Variants in SWAP70 observed in about 807,000 individuals in gnomAD.
The protein encoded by SWAP70 is switching B cell complex subunit SWAP70.
Under a neutral mutation model 80.2 loss-of-function variants are expected in SWAP70, and 34 were observed. That is an observed-to-expected ratio of 0.42 (90% CI 0.32 to 0.56). The LOEUF (loss-of-function observed/expected upper bound fraction) is 0.56. Ranked by LOEUF, SWAP70 falls within the 20% of genes least tolerant of loss-of-function variation. SWAP70 has a pLI of 0.09. For missense variants in SWAP70, 578 were observed against 690.7 expected, an observed-to-expected ratio of 0.84 and a Z score of 1.83; for synonymous variants, 239 against 238.5, an observed-to-expected ratio of 1.00 and a Z score of -0.02.
At chr11:9,686,869 C>A (rs1335464338) in intron 1 of SWAP70, among the ~76,000 whole-genome samples, 2 of 152,100 alleles carry the variant, frequency 1.3e-5, no homozygotes, top group Non-Finnish European at 2.9e-5. Flanking sequence ...GCCCTGTCCC[C>A]CAAACAAATA....
intron 9 of SWAP70, among the ~76,000 whole-genome samples, chr11:9,746,166 C>T (rs1851510070): frequency 6.6e-6 from 1 of 152,204 alleles, no homozygotes; most frequent in Non-Finnish European, 1.5e-5. Flanking sequence ...TCTACATAGC[C>T]AAGCCCAGCT....
At position 9,677,133 on chromosome 11, in the gene SWAP70, A is replaced by G. The variant is rs76030960; in HGVS notation, c.99+12855A>G. Among the ~76,000 whole-genome samples, 1,014 of 152,176 alleles carry G rather than the reference A, an allele frequency of 6.7e-3. 14 individuals are homozygous for G. Among genetic ancestry groups the G allele is most frequent in the African/African-American group, 0.023 (954 of 41,514 alleles). ...ACCTTATTAATGTGGCACCTGAAACAGACATTGTTACTTTTAAATTATGGT... is the reference window on the plus strand; with the variant it reads ...ACCTTATTAATGTGGCACCTGAAACGGACATTGTTACTTTTAAATTATGGT... On this transcript the variant is annotated intron_variant, in intron 1 of 11. Transcript: ENST00000318950.
intron 3 of SWAP70, chr11:9,720,472 G>T (rs1449479120): frequency 7.1e-6 from 7 of 985,318 alleles, no homozygotes; most frequent in Non-Finnish European, 8.4e-6. Flanking sequence ...AATGACGTGG[G>T]TTCAGTAAGA....
intron 1 of SWAP70, among the ~76,000 whole-genome samples, chr11:9,675,939 A>G (rs1170556506): frequency 6.6e-6 from 1 of 152,200 alleles, no homozygotes; most frequent in African/African-American, 2.4e-5. Flanking sequence ...GTTAAATACA[A>G]CTGATTGTCA....
chr11:9,729,838 C>T (rs1415789607), intron 6 of SWAP70, among the ~76,000 whole-genome samples: 3 of 152,118 alleles, frequency 2.0e-5, no homozygotes, highest in Admixed American at 6.5e-5. Context: ...GATGCTAAGG[C>T]GTTACTTCCT....
chr11:9,705,252 C>CTGTATACACTGGTGATA (rs1221746868), intron 2 of SWAP70, among the ~76,000 whole-genome samples: 1 of 140,760 alleles, frequency 7.1e-6, no homozygotes, highest in African/African-American at 2.9e-5. Flanking sequence ...ACTTGGTGAT[C>CTGTATACACTGGTGATA]TGTATACACT....
intron 3 of SWAP70, among the ~76,000 whole-genome samples, chr11:9,720,919 G>A (rs1019952006): frequency 1.3e-4 from 19 of 151,948 alleles, no homozygotes; most frequent in South Asian, 6.2e-4. Context: ...GGCTTCAAAC[G>A]GTTCTCCTAC....
chr11:9,719,516 A>G (rs1028270478), intron 3 of SWAP70, among the ~76,000 whole-genome samples: 7 of 152,140 alleles, frequency 4.6e-5, no homozygotes, highest in Non-Finnish European at 8.8e-5. Context: ...CCACTGGGCA[A>G]CAAAGCGAGA....
At chr11:9,703,296 G>A (rs765531519) in intron 2 of SWAP70, 15 of 452,218 alleles carry the variant, frequency 3.3e-5, no homozygotes, top group East Asian at 7.0e-5. Flanking sequence ...ATTCCGTTAC[G>A]GATATACCAT....
At chr11:9,707,133 T>G (rs1422648474) in intron 2 of SWAP70, among the ~76,000 whole-genome samples, 1 of 152,206 alleles carries the variant, frequency 6.6e-6, no homozygotes, top group Non-Finnish European at 1.5e-5. Flanking sequence ...CTATTTTCTA[T>G]GAAAACTATA....
intron 7 of SWAP70, among the ~76,000 whole-genome samples, chr11:9,734,071 T>C (rs1385926922): frequency 6.6e-6 from 1 of 152,232 alleles, no homozygotes; most frequent in Non-Finnish European, 1.5e-5. Context: ...TGAGATCCTC[T>C]TGCCTTAGCC....
chr11:9,680,890 A>G (rs902837886), intron 1 of SWAP70: 7 of 152,224 alleles, frequency 4.6e-5, no homozygotes, highest in African/African-American at 1.7e-4. Flanking sequence ...TTCATGAAGG[A>G]GATAGTACTT....
chr11:9,722,929 A>T (rs1356123787), intron 3 of SWAP70, among the ~76,000 whole-genome samples: 1 of 152,254 alleles, frequency 6.6e-6, no homozygotes, highest in African/African-American at 2.4e-5. Context: ...TTTACTGTTC[A>T]ACCCTTTACA....
intron 1 of SWAP70, among the ~76,000 whole-genome samples, chr11:9,665,306 T>A (rs1467059587): frequency 6.6e-6 from 1 of 152,224 alleles, no homozygotes; most frequent in African/African-American, 2.4e-5. Flanking sequence ...ATTCTCCTTG[T>A]CTTCCTTTTG....
At position 9,739,660 on chromosome 11, in the gene SWAP70, G is replaced by C. The variant is rs575681405; in HGVS notation, c.1189-521G>C. Among the ~76,000 whole-genome samples, 5 of 152,330 alleles carry C rather than the reference G, an allele frequency of 3.3e-5. No individual in the cohort carries two copies. In the East Asian group the frequency reaches 9.6e-4, roughly 29 times the overall value. On this transcript the variant is annotated intron_variant, in intron 8 of 11. Coordinates refer to ENST00000318950, the MANE Select transcript of SWAP70 (RefSeq NM_015055.4). ...CGTATACAGATTAACTGAAATGCTT[G>C]AGTTCCTCTAGGGCTGGAGGTGCCC...
chr11:9,683,556 C>A (rs1343491413), intron 1 of SWAP70, among the ~76,000 whole-genome samples: 1 of 152,188 alleles, frequency 6.6e-6, no homozygotes, highest in East Asian at 1.9e-4. Flanking sequence ...TCTGTCCCAG[C>A]ATGGGTTCTC....
intron 11 of SWAP70, among the ~76,000 whole-genome samples, 153 bp from the exon 12 acceptor site, chr11:9,749,711 T>A (rs944917737): frequency 6.6e-6 from 1 of 152,266 alleles, no homozygotes; most frequent in Non-Finnish European, 1.5e-5. Flanking sequence ...CCCCTTGGTA[T>A]ACATCTTCTA....
At chr11:9,711,631 A>G (rs576290119) in intron 2 of SWAP70, among the ~76,000 whole-genome samples, 8 of 152,270 alleles carry the variant, frequency 5.3e-5, no homozygotes, top group African/African-American at 1.9e-4. Context: ...GGACAGGGGC[A>G]GTGGTAGCAG....
chr11:9,740,895 T>G (rs1221931711), intron 9 of SWAP70: 1 of 155,176 alleles, frequency 6.4e-6, no homozygotes, highest in Non-Finnish European at 1.4e-5. Context: ...ATGATAGTCA[T>G]GTTCGCAGAT....
Sources: gnomAD v4.1 joint callset for allele counts (sites outside exome capture counted in the v4.1 genomes callset) on GRCh38, gnomAD v4.1.1 for gene constraint, MANE v1.5 for transcripts, NCBI Gene and HGNC (gene_info 2026-07-23, HGNC 2026-07-21) for gene names.